LRRC38: variants seen among roughly 807,000 people sequenced by gnomAD.
LRRC38 encodes the protein leucine rich repeat containing 38, also known as leucine-rich repeat-containing protein 38.
Under a neutral mutation model 16.4 loss-of-function variants are expected in LRRC38, and 5 were observed. The observed-to-expected ratio is 0.31, with a 90% CI of 0.16 to 0.64. The LOEUF (loss-of-function observed/expected upper bound fraction) is 0.64, where lower values mean the gene tolerates loss of function less well. Among genes scored for constraint, LRRC38 ranks in the 30% least tolerant of loss-of-function variants. The probability of loss-of-function intolerance (pLI) is 0.80; values close to 1 mark genes in which losing one functional copy is unlikely to be tolerated. For missense variants in LRRC38, 341 were observed against 401.8 expected (o/e 0.85, Z 1.29); for synonymous variants, 191 against 190.2 (o/e 1.00, Z -0.04).
chr1:13,494,843 G>C (rs565108077), intron 1 of LRRC38, among the ~76,000 whole-genome samples: 1 of 152,242 alleles, frequency 6.6e-6, no homozygotes, highest in Non-Finnish European at 1.5e-5. Context: ...TAAGCCATTT[G>C]TCTTCTGGAA....
At chr1:13,482,872 G>C (rs1375481334) in intron 1 of LRRC38, among the ~76,000 whole-genome samples, 3 of 152,180 alleles carry the variant, frequency 2.0e-5, no homozygotes, top group African/African-American at 7.2e-5. Flanking sequence ...TACTAGCCTT[G>C]TTTATTCCTC....
chr1:13,480,270 C>T (rs1028103111), intron 1 of LRRC38, among the ~76,000 whole-genome samples: 1 of 152,140 alleles, frequency 6.6e-6, no homozygotes, highest in Admixed American at 6.5e-5. Context: ...GCTTGAACCC[C>T]GGAGGTAGAG....
At chr1:13,505,250 C>T (rs1639199072) in intron 1 of LRRC38, among the ~76,000 whole-genome samples, 1 of 152,220 alleles carries the variant, frequency 6.6e-6, no homozygotes, top group African/African-American at 2.4e-5. Context: ...AGCACCACTC[C>T]CGCAGCTGGG....
In LRRC38 at chr1:13,476,098, G is replaced by A; in HGVS notation, c.633C>T (p.Gly211=). Residue 211 remains glycine, a splice_region_variant and synonymous_variant, in exon 2 of 2, where the codon GGC becomes GGT. Transcript: ENST00000376085. ...GCAGGGAGCACTGGATTTCATCAAG[G>A]CCTGAGAAAAGGCAGGCAGAGGAGA... The part of the protein sequence containing the change: ...IQENASKLPK[G]LDEIQCSLPM... The A allele has an allele frequency of 3.9e-6, 6 of 1,550,312 alleles. No individual in the cohort carries two copies. Among genetic ancestry groups the A allele is most frequent in the Non-Finnish European group, 4.4e-6 (5 of 1,146,742 alleles).
chr1:13,479,913 A>T (rs1228900124), intron 1 of LRRC38, among the ~76,000 whole-genome samples: 2 of 152,320 alleles, frequency 1.3e-5, no homozygotes, highest in East Asian at 3.9e-4. Context: ...GGGTTTCTCA[A>T]CTTGGCCATC....
intron 1 of LRRC38, among the ~76,000 whole-genome samples, chr1:13,477,755 TTGAGCCTGGGAAAC>T (rs1398259584): frequency 6.6e-6 from 1 of 152,136 alleles, no homozygotes; most frequent in Non-Finnish European, 1.5e-5. Flanking sequence ...GGAGGATCAT[TTGAGCCTGGGAAAC>T]TGAGGCTATG....
chr1:13,480,486 G>A lies in LRRC38; in HGVS notation c.632-4387C>T, dbSNP rs563600732. Among the ~76,000 whole-genome samples, 16 of 152,256 alleles carry A rather than the reference G, an allele frequency of 1.1e-4. No homozygotes were observed. The South Asian group carries it at 3.3e-3, about 32-fold the overall frequency. ...ATTATGTAGACTTTTAAATTTTTTT[G>A]TAAAGACAGGGTCTCGCTCTGTTGC... On this transcript the variant is annotated intron_variant, in intron 1 of 1. Coordinates refer to ENST00000376085, the MANE Select transcript of LRRC38 (RefSeq NM_001010847.2).
intron 1 of LRRC38, among the ~76,000 whole-genome samples, chr1:13,492,185 G>A (rs979595016): frequency 6.6e-6 from 1 of 152,020 alleles, no homozygotes; most frequent in Non-Finnish European, 1.5e-5. Flanking sequence ...ACTACTCTAC[G>A]TACTGCGTAC....
chr1:13,495,766 C>G (rs1284014709), intron 1 of LRRC38, among the ~76,000 whole-genome samples: 2 of 151,976 alleles, frequency 1.3e-5, no homozygotes, highest in Non-Finnish European at 2.9e-5. Flanking sequence ...TTTTCAGAGC[C>G]CTAATGCGGT....
At chr1:13,500,935 C>T (rs11811167) in intron 1 of LRRC38, among the ~76,000 whole-genome samples, 12,223 of 152,044 alleles carry the variant, frequency 0.08, 1,578 homozygotes, top group African/African-American at 0.28. Context: ...AATGAATGAG[C>T]GGGGCACAAA....
intron 1 of LRRC38, among the ~76,000 whole-genome samples, chr1:13,502,501 C>T (rs915943292): frequency 1.3e-5 from 2 of 152,134 alleles, no homozygotes; most frequent in Non-Finnish European, 2.9e-5. Flanking sequence ...ACTCTGGAGC[C>T]GGGGTTTCCC....
At chr1:13,481,432 C>T (rs1317606010) in intron 1 of LRRC38, among the ~76,000 whole-genome samples, 12 of 150,766 alleles carry the variant, frequency 8.0e-5, no homozygotes. Flanking sequence ...CGCTCTGTCG[C>T]CCAGGCTGGA....
At chr1:13,481,766 TCTCTCCCTCTCTCC>T (rs1216979525) in intron 1 of LRRC38, among the ~76,000 whole-genome samples, 1 of 38,910 alleles carries the variant, frequency 2.6e-5, no homozygotes, top group East Asian at 5.6e-4. Context: ...TCTTTCCCTC[TCTCTCCCTCTCTCC>T]CTCTCTCCCT....
chr1:13,496,800 T>C (rs554610488), intron 1 of LRRC38, among the ~76,000 whole-genome samples: 34 of 152,002 alleles, frequency 2.2e-4, no homozygotes, highest in African/African-American at 7.5e-4. Context: ...ACATGACCCA[T>C]AGGGACTGGT....
rs1477651141 is a variant in LRRC38, at chr1:13,476,111, C to T, written c.632-12G>A. 4.5e-6 allele frequency: 7 copies of T among 1,549,768 alleles called. No individual in the cohort carries two copies. Among genetic ancestry groups the T allele is most frequent in the Non-Finnish European group, 5.2e-6 (6 of 1,146,432 alleles). ...GATTTCATCAAGGCCTGAGAAAAGG[C>T]AGGCAGAGGAGAGAGAGATTTAGAC... On this transcript the variant is annotated splice_polypyrimidine_tract_variant and intron_variant, in intron 1 of 1. Coordinates refer to ENST00000376085, the MANE Select transcript of LRRC38 (RefSeq NM_001010847.2).
chr1:13,498,616 G>C (rs1301113432), intron 1 of LRRC38, among the ~76,000 whole-genome samples: 1 of 152,156 alleles, frequency 6.6e-6, no homozygotes, highest in Non-Finnish European at 1.5e-5. Context: ...GAGTGACAGA[G>C]CGAGACTCTG....
chr1:13,480,111 G>A (rs138056461), intron 1 of LRRC38, among the ~76,000 whole-genome samples: 10,617 of 152,282 alleles, frequency 0.07, 479 homozygotes, highest in Middle Eastern at 0.16. Context: ...TTGGGAGGCC[G>A]AGGCGGGTGG....
intron 1 of LRRC38, among the ~76,000 whole-genome samples, chr1:13,478,768 G>T (rs1241497700): frequency 6.6e-6 from 1 of 152,190 alleles, no homozygotes; most frequent in Non-Finnish European, 1.5e-5. Context: ...CCCTGGGGGG[G>T]TTTGTGTGTC....
intron 1 of LRRC38, among the ~76,000 whole-genome samples, chr1:13,492,633 T>G (rs368349482): frequency 5.3e-5 from 8 of 151,880 alleles, no homozygotes; most frequent in Non-Finnish European, 1.2e-4. Flanking sequence ...ATCTGGGAGA[T>G]GGAGGTTACA....
Sources: gnomAD v4.1 joint callset for allele counts (sites outside exome capture counted in the v4.1 genomes callset) on GRCh38, gnomAD v4.1.1 for gene constraint, MANE v1.5 for transcripts, NCBI Gene and HGNC (gene_info 2026-07-23, HGNC 2026-07-21) for gene names.